ACVR1C: variants seen among roughly 807,000 people sequenced by gnomAD.
ACVR1C encodes activin A receptor type 1C, also known as activin receptor type-1C.
In ACVR1C, 23 loss-of-function variants were observed where a neutral mutation model predicts 57.9. The observed-to-expected ratio is 0.40, with a 90% CI of 0.29 to 0.56. The LOEUF (loss-of-function observed/expected upper bound fraction) is 0.56. ACVR1C is among the 20% of genes least tolerant of loss of function. The pLI is 0.50. For synonymous variants in ACVR1C, 214 were observed against 215.3 expected, an observed-to-expected ratio of 0.99 and a Z score of 0.05; for missense variants, 480 against 607.9, an observed-to-expected ratio of 0.79 and a Z score of 2.21.
chr2:157,601,520 A>C (rs577260201), intron 1 of ACVR1C, among the ~76,000 whole-genome samples: 162 of 152,320 alleles, frequency 1.1e-3, no homozygotes, highest in Middle Eastern at 0.01. Context: ...GTCTCAAAGA[A>C]TTCATATTAG....
At chr2:157,598,623 C>T (rs6437108) in intron 1 of ACVR1C, among the ~76,000 whole-genome samples, 70,485 of 150,676 alleles carry the variant, frequency 0.47, 17,781 homozygotes, top group African/African-American at 0.66. Flanking sequence ...CACTGCAATC[C>T]CCACCTCCTG....
intron 5 of ACVR1C, 94 bp from the exon 6 acceptor site, chr2:157,542,956 CAA>C: frequency 1.5e-6 from 2 of 1,291,964 alleles, no homozygotes. Flanking sequence ...TGAGCTAATT[CAA>C]AAAGAGTTTT....
intron 1 of ACVR1C, among the ~76,000 whole-genome samples, chr2:157,622,317 AG>A (rs1334888554): frequency 6.6e-6 from 1 of 152,220 alleles, no homozygotes; most frequent in Non-Finnish European, 1.5e-5. Flanking sequence ...AGCTATCCTA[AG>A]GAAAAAAGGA....
intron 3 of ACVR1C, among the ~76,000 whole-genome samples, chr2:157,551,387 C>G (rs771911584): frequency 6.6e-6 from 1 of 152,134 alleles, no homozygotes; most frequent in African/African-American, 2.4e-5. Flanking sequence ...CTTAGGATGG[C>G]TTACTCAGAG....
chr2:157,628,803 C>A lies in ACVR1C; in HGVS notation c.-159G>T. 1 of 475,586 alleles carries A rather than the reference C, an allele frequency of 2.1e-6. No individual in the cohort carries two copies. The highest frequency in any genetic ancestry group is 3.5e-6 in the Non-Finnish European group (1 of 288,246). 29.5% of individuals were successfully genotyped at this position (475,586 alleles called of 1,614,324 possible). A position where few individuals can be genotyped will look rare whatever the true frequency, so the allele number is the denominator to read the frequency against. ...TGGCTCTAGTCAGTGTGGGCGCCCCCCTCCCCGGCCGCCCCCATCCCACGC... is the reference window on the plus strand; with the variant it reads ...TGGCTCTAGTCAGTGTGGGCGCCCCACTCCCCGGCCGCCCCCATCCCACGC... On this transcript the variant is annotated 5_prime_UTR_variant, in exon 1 of 9. Transcript: ENST00000243349.
rs60269781 is a variant in ACVR1C at position 157,555,101 on chromosome 2, C to CTTTTTTTTTTTTTTTTTTTT, written c.544+972_544+991dup. Among the ~76,000 whole-genome samples the CTTTTTTTTTTTTTTTTTTTT allele has an allele frequency of 9.5e-5, 8 of 83,946 alleles. 2 individuals carry two copies. Among genetic ancestry groups the CTTTTTTTTTTTTTTTTTTTT allele is most frequent in the African/African-American group, 4.7e-4 (8 of 16,854 alleles). 55.1% of individuals were successfully genotyped at this position (83,946 alleles called of 152,430 possible). ...ATAATACAGCCTGGTACTTTGAACG[C>CTTTTTTTTTTTTTTTTTTTT]TTTTTTTTTTTTTTTTTTTTTTTTT... On this transcript the variant is annotated intron_variant, in intron 3 of 8. Coordinates refer to ENST00000243349, the MANE Select transcript of ACVR1C (RefSeq NM_145259.3).
intron 2 of ACVR1C, among the ~76,000 whole-genome samples, chr2:157,581,889 G>C (rs973489267): frequency 3.3e-5 from 5 of 152,114 alleles, no homozygotes; most frequent in African/African-American, 1.2e-4. Context: ...TGATCACTTT[G>C]AAATTGACAA....
chr2:157,538,298 C>T (rs1235782080), intron 8 of ACVR1C, among the ~76,000 whole-genome samples: 1 of 152,098 alleles, frequency 6.6e-6, no homozygotes, highest in Non-Finnish European at 1.5e-5. Flanking sequence ...AGAACAGGTG[C>T]CATGGAGAGT....
rs541904899 is a variant in ACVR1C, at chr2:157,552,618, C to T, written c.545-2226G>A. Among the ~76,000 whole-genome samples the T allele has an allele frequency of 2.0e-4, 30 of 152,288 alleles. No homozygotes were observed. In the South Asian group the frequency reaches 4.6e-3, roughly 23 times the overall value. On this transcript the variant is annotated intron_variant, in intron 3 of 8. Coordinates refer to ENST00000243349, the MANE Select transcript of ACVR1C (RefSeq NM_145259.3). ...TACCAACAACCAGCACTACCCAAAA[C>T]ACAACAAATGGATGGAGAGCTAGAT...
chr2:157,572,250 A>T (rs1688528431), intron 2 of ACVR1C, among the ~76,000 whole-genome samples: 1 of 141,656 alleles, frequency 7.1e-6, no homozygotes, highest in African/African-American at 2.6e-5. Flanking sequence ...TAGCATTGGG[A>T]GATATACCTA....
chr2:157,530,951 A>C lies in ACVR1C; in HGVS notation c.*2967T>G, dbSNP rs1310897283. 1 of 152,080 alleles carries C rather than the reference A, an allele frequency of 6.6e-6. No homozygotes were observed. Among genetic ancestry groups the C allele is most frequent in the African/African-American group, 2.4e-5 (1 of 41,434 alleles). 9.4% of individuals were successfully genotyped at this position (152,080 alleles called of 1,614,324 possible). On this transcript the variant is annotated 3_prime_UTR_variant, in exon 9 of 9. Transcript: ENST00000243349. Reference sequence around the variant, plus strand: ...GATGCTGCATTTAAATCCCATCACCACTTTATACAGTACTGAAAATTCATA... The same window carrying C: ...GATGCTGCATTTAAATCCCATCACCCCTTTATACAGTACTGAAAATTCATA...
At chr2:157,585,729 G>T (rs1184377833) in intron 2 of ACVR1C, among the ~76,000 whole-genome samples, 1 of 151,938 alleles carries the variant, frequency 6.6e-6, no homozygotes, top group African/African-American at 2.4e-5. Flanking sequence ...ATAAACTGGG[G>T]GATAAAATAT....
intron 2 of ACVR1C, among the ~76,000 whole-genome samples, chr2:157,577,450 A>G (rs1351873557): frequency 6.6e-6 from 1 of 152,152 alleles, no homozygotes. Context: ...TTAAGTACAT[A>G]CAAATTTAGA....
chr2:157,554,201 G>GAGAGAGAGAGAGAGAGAGAA (rs1553481316), intron 3 of ACVR1C, among the ~76,000 whole-genome samples: 1 of 41,440 alleles, frequency 2.4e-5, no homozygotes, highest in African/African-American at 1.4e-4. Context: ...ATAAAGAAGA[G>GAGAGAGAGAGAGAGAGAGAA]AGAAAGAAAG....
chr2:157,583,885 C>T (rs1450943688), intron 2 of ACVR1C, among the ~76,000 whole-genome samples: 2 of 151,976 alleles, frequency 1.3e-5, no homozygotes, highest in African/African-American at 4.8e-5. Context: ...AAGATTGAAA[C>T]TAATTGTAAA....
intron 1 of ACVR1C, among the ~76,000 whole-genome samples, chr2:157,590,382 G>T (rs1369529348): frequency 6.6e-6 from 1 of 151,614 alleles, no homozygotes; most frequent in East Asian, 1.9e-4. Flanking sequence ...ACCGATATGG[G>T]AGCAAAAATG....
At chr2:157,610,390 G>T (rs1299505312) in intron 1 of ACVR1C, among the ~76,000 whole-genome samples, 1 of 152,032 alleles carries the variant, frequency 6.6e-6, no homozygotes, top group South Asian at 2.1e-4. Flanking sequence ...GGCCTATAAG[G>T]TTTCTGTTGA....
chr2:157,544,569 A>G lies in ACVR1C; in HGVS notation c.819T>C (p.His273=), dbSNP rs372187932. 14 of 1,613,332 alleles carry G rather than the reference A, an allele frequency of 8.7e-6. No homozygotes were observed. Among genetic ancestry groups the G allele is most frequent in the East Asian group, 2.2e-5 (1 of 44,888 alleles). ...AATAGTCATATAAGGAGCCCTGTTCATGATATTCAGATACCAGCCAAAGTT... is the reference window on the plus strand; with the variant it reads ...AATAGTCATATAAGGAGCCCTGTTCGTGATATTCAGATACCAGCCAAAGTT... ...WTQLWLVSEY[H]EQGSLYDYLN... The change falls in exon 5 of 9, where the codon CAT becomes CAC. Residue 273 remains histidine (H), a synonymous_variant. Transcript: ENST00000243349.
At chr2:157,541,880 T>C (rs542923284) in intron 6 of ACVR1C, among the ~76,000 whole-genome samples, 2 of 152,302 alleles carry the variant, frequency 1.3e-5, no homozygotes, top group African/African-American at 4.8e-5. Flanking sequence ...GAAAATAGTT[T>C]GGTTGTTTCT....
Sources: gnomAD v4.1 joint callset for allele counts (sites outside exome capture counted in the v4.1 genomes callset) on GRCh38, gnomAD v4.1.1 for gene constraint, MANE v1.5 for transcripts, NCBI Gene and HGNC (gene_info 2026-07-23, HGNC 2026-07-21) for gene names.